The following SDK1 variants were observed in gnomAD, a reference collection of about 807,000 sequenced individuals.
SDK1 encodes the protein sidekick cell adhesion molecule 1.
Under a neutral mutation model 245.5 loss-of-function variants are expected in SDK1, and 157 were observed. The observed-to-expected ratio is 0.64, with a 90% CI of 0.56 to 0.73. SDK1 has a LOEUF of 0.73. SDK1 is among the 30% of genes least tolerant of loss of function. The probability of loss-of-function intolerance (pLI) is 0.00; values close to 1 mark genes in which losing one functional copy is unlikely to be tolerated. For synonymous variants in SDK1, 1,647 were observed against 1,278.5 expected (o/e 1.29, Z -6.15); for missense variants, 3,583 against 3,002.3 (o/e 1.19, Z -4.52).
At chr7:3,429,963 C>G (rs1202415560) in intron 1 of SDK1, among the ~76,000 whole-genome samples, 15 of 152,194 alleles carry the variant, frequency 9.9e-5, no homozygotes, top group Non-Finnish European at 1.5e-4. Flanking sequence ...ATGTGTCTCT[C>G]TATCTGTATA....
intron 35 of SDK1, among the ~76,000 whole-genome samples, chr7:4,204,110 G>T (rs1361139453): frequency 6.6e-6 from 1 of 152,238 alleles, no homozygotes; most frequent in Non-Finnish European, 1.5e-5. Context: ...GTCGCGGGGG[G>T]AGGGCGATGT....
intron 5 of SDK1, among the ~76,000 whole-genome samples, chr7:3,919,275 G>C (rs1425156023): frequency 6.6e-6 from 1 of 152,168 alleles, no homozygotes; most frequent in Non-Finnish European, 1.5e-5. Context: ...TAGTTCCTCT[G>C]CCAAGGCAAG....
intron 1 of SDK1, among the ~76,000 whole-genome samples, chr7:3,350,817 G>A (rs114357053): frequency 0.019 from 2,910 of 152,152 alleles, 89 homozygotes; most frequent in African/African-American, 0.059. Context: ...GTGTGACACT[G>A]AAAAAAATTA....
chr7:4,003,154 C>T (rs910957884), intron 14 of SDK1, among the ~76,000 whole-genome samples: 8 of 152,248 alleles, frequency 5.3e-5, no homozygotes, highest in Admixed American at 3.3e-4. Context: ...CCTGGGCACA[C>T]GCATGTGGAC....
chr7:3,818,748 T>C (rs1192106458), intron 4 of SDK1, among the ~76,000 whole-genome samples: 2 of 152,168 alleles, frequency 1.3e-5, no homozygotes, highest in Non-Finnish European at 2.9e-5. Flanking sequence ...TATGAGATAA[T>C]GAAGGACCCA....
intron 4 of SDK1, among the ~76,000 whole-genome samples, chr7:3,676,316 C>G (rs1344216391): frequency 1.4e-5 from 2 of 138,034 alleles, no homozygotes; most frequent in African/African-American, 5.7e-5. Flanking sequence ...CTGGCCTCTT[C>G]TAGTACTTTT....
chr7:3,779,118 G>T (rs925202581), intron 4 of SDK1, among the ~76,000 whole-genome samples: 7 of 152,070 alleles, frequency 4.6e-5, no homozygotes, highest in Non-Finnish European at 1.0e-4. Context: ...TTTCTTTTCT[G>T]ATTATATTAT....
intron 1 of SDK1, among the ~76,000 whole-genome samples, chr7:3,580,840 C>T (rs777748607): frequency 1.3e-4 from 20 of 151,370 alleles, no homozygotes; most frequent in South Asian, 4.2e-4. Context: ...TGGTGGTATG[C>T]GCCTGTAGTC....
chr7:3,328,651 G>A (rs1779992846), intron 1 of SDK1, among the ~76,000 whole-genome samples: 1 of 151,678 alleles, frequency 6.6e-6, no homozygotes. Flanking sequence ...ATCTTTTTAT[G>A]TTAGTATATA....
chr7:4,025,814 C>G lies in SDK1; in HGVS notation c.2602+8462C>G, dbSNP rs549212660. ...TGCCTTCTGCCCTGACTCTTGCTGTCTCGAAGTCTCGGAAGAAAGCAGTCC... is the reference window on the plus strand; with the variant it reads ...TGCCTTCTGCCCTGACTCTTGCTGTGTCGAAGTCTCGGAAGAAAGCAGTCC... On this transcript the variant is annotated intron_variant, in intron 17 of 44. Transcript: ENST00000404826. 2.3e-4 allele frequency among the ~76,000 whole-genome samples: 35 copies of G among 152,320 alleles called. No homozygotes were observed. In the South Asian group the frequency reaches 7.3e-3, roughly 32 times the overall value.
chr7:3,552,812 A>G (rs549713441), intron 1 of SDK1, among the ~76,000 whole-genome samples: 32 of 152,364 alleles, frequency 2.1e-4, no homozygotes, highest in Admixed American at 1.8e-3. Flanking sequence ...GCTTTTGCCC[A>G]GTCATTTTAC....
chr7:3,984,694 AGCTGCCT>A (rs1432595114), intron 13 of SDK1, among the ~76,000 whole-genome samples: 2 of 152,106 alleles, frequency 1.3e-5, no homozygotes, highest in Non-Finnish European at 2.9e-5. Flanking sequence ...GTGTCTGCAG[AGCTGCCT>A]GGCTCCTCGA....
chr7:4,227,327 C>G, intron 40 of SDK1: 1 of 467,300 alleles, frequency 2.1e-6, no homozygotes, highest in African/African-American at 2.0e-5. Context: ...CCCGGCTTCC[C>G]ACCCCTTCCT....
At chr7:3,415,595 G>C (rs557203524) in intron 1 of SDK1, among the ~76,000 whole-genome samples, 43 of 151,944 alleles carry the variant, frequency 2.8e-4, no homozygotes, top group African/African-American at 7.2e-4. Context: ...TACACACACA[G>C]AAGTACAAAA....
At chr7:3,605,982 T>C (rs539023415) in intron 1 of SDK1, among the ~76,000 whole-genome samples, 1 of 152,332 alleles carries the variant, frequency 6.6e-6, no homozygotes, top group East Asian at 1.9e-4. Flanking sequence ...TTGAAAGATA[T>C]TAATTTCTAA....
chr7:3,672,067 A>G (rs1293460480), intron 4 of SDK1, among the ~76,000 whole-genome samples: 1 of 152,104 alleles, frequency 6.6e-6, no homozygotes, highest in Non-Finnish European at 1.5e-5. Context: ...TATCCATGAT[A>G]TGGGACACAG....
chr7:3,569,048 T>G (rs1007846301), intron 1 of SDK1, among the ~76,000 whole-genome samples: 15 of 151,732 alleles, frequency 9.9e-5, no homozygotes, highest in South Asian at 4.2e-4. Flanking sequence ...TGAGTGGTTC[T>G]TGGGCCTTAA....
intron 5 of SDK1, among the ~76,000 whole-genome samples, chr7:3,935,002 A>C (rs114444792): frequency 1.3e-5 from 2 of 151,620 alleles, no homozygotes; most frequent in East Asian, 3.9e-4. Context: ...TTATGCATCA[A>C]CTCCCCTCTT....
At chr7:3,402,524 G>A (rs1778916756) in intron 1 of SDK1, among the ~76,000 whole-genome samples, 1 of 152,178 alleles carries the variant, frequency 6.6e-6, no homozygotes, top group South Asian at 2.1e-4. Flanking sequence ...TTATCAAGCT[G>A]TGACAACAAT....
Sources: allele counts gnomAD v4.1 joint callset (sites outside exome capture counted in the v4.1 genomes callset), GRCh38; gene constraint gnomAD v4.1.1; transcripts MANE v1.5; gene names NCBI Gene and HGNC (gene_info 2026-07-23, HGNC 2026-07-21).